The following LAMTOR5 variants were observed in gnomAD, a reference collection of about 807,000 sequenced individuals.
The protein encoded by LAMTOR5 is late endosomal/lysosomal adaptor, MAPK and MTOR activator 5, also known as ragulator complex protein LAMTOR5.
Under a neutral mutation model 12.1 loss-of-function variants are expected in LAMTOR5, and 8 were observed. The observed-to-expected ratio is 0.66, with a 90% confidence interval of 0.39 to 1.19. The LOEUF (loss-of-function observed/expected upper bound fraction) is 1.19. Ranked by LOEUF, LAMTOR5 falls within the 50% of genes most tolerant of loss-of-function variation. The probability of loss-of-function intolerance (pLI) is 0.01; values close to 1 mark genes in which losing one functional copy is unlikely to be tolerated. For missense variants in LAMTOR5, 110 were observed against 112.8 expected (o/e 0.97, Z 0.11); for synonymous variants, 37 against 41.9 (o/e 0.88, Z 0.45).
chr1:110,407,672 T>C lies in LAMTOR5; in HGVS notation c.-52A>G. On this transcript the variant is annotated 5_prime_UTR_variant, in exon 1 of 4. Coordinates refer to ENST00000602318, the MANE Select transcript of LAMTOR5 (RefSeq NM_001382293.1). ...AACCCAGCGGCACGGCACGTCCTTC[T>C]CCACCACAGGCCTCAGTCACTTGAC... is the stretch of plus-strand genomic sequence containing the variant. 1 of 1,614,140 alleles carries C rather than the reference T, an allele frequency of 6.2e-7. No individual in the cohort carries two copies. The highest frequency in any genetic ancestry group is 1.3e-5 in the African/African-American group (1 of 75,028).
chr1:110,404,029 C>A lies in LAMTOR5; in HGVS notation c.105G>T (p.Gly35=). 6.2e-7 allele frequency: 1 copy of A among 1,613,792 alleles called. No individual in the cohort carries two copies. The highest frequency in any genetic ancestry group is 8.5e-7 in the Non-Finnish European group (1 of 1,179,926). The change falls in exon 3 of 4, where the codon GGG becomes GGT. Residue 35 remains glycine, a synonymous_variant. Transcript: ENST00000602318. ...CTCCAGCATGCTCATCTGACAGGGT[C>A]CCGCGGCCTGGAAAATAGAGATGAT... ...DSQGLNLGCR[G]TLSDEHAGVI...
Position 110,407,604 on chromosome 1 carries a change from T to G in LAMTOR5, c.17A>C (p.Glu6Ala), listed in dbSNP as rs1328169094. 1 of 1,613,968 alleles carries G rather than the reference T, an allele frequency of 6.2e-7. No individual in the cohort carries two copies. The highest frequency in any genetic ancestry group is 8.5e-7 in the Non-Finnish European group (1 of 1,180,002). Residue 6 changes from glutamate to alanine, a missense_variant, in exon 1 of 4, where the codon GAG (glutamate) becomes GCG (alanine). By Grantham distance (107) the Glu-to-Ala change is moderately radical. Coordinates refer to ENST00000602318, the MANE Select transcript of LAMTOR5 (RefSeq NM_001382293.1). MEATLEQHLEDTMKNP... is the reference protein window; with the variant it reads MEATLAQHLEDTMKNP... Reference sequence around the variant, plus strand: ...TACTCACGTGTCTTCCAAGTGCTGCTCCAAGGTCGCCTCCATCCCACCCAC... The same window carrying G: ...TACTCACGTGTCTTCCAAGTGCTGCGCCAAGGTCGCCTCCATCCCACCCAC...
At chr1:110,407,825 C>G (rs756833294), upstream of LAMTOR5, 2 of 1,613,920 alleles carry the variant, frequency 1.2e-6, no homozygotes, top group South Asian at 2.2e-5. Context: ...GGCTTGGGCT[C>G]CCCGCGCGGT....
intron 2 of LAMTOR5, 54 bp downstream of exon 2, chr1:110,406,264 G>A (rs1020793884): frequency 5.7e-6 from 7 of 1,230,106 alleles, no homozygotes; most frequent in Non-Finnish European, 8.0e-6. Context: ...TAGGCTCCAA[G>A]TCAACATCAG....
Position 110,403,905 on chromosome 1 carries a change from T to C in LAMTOR5, c.215+14A>G. The C allele has an allele frequency of 6.2e-7, 1 of 1,612,552 alleles. No homozygotes were observed. Among genetic ancestry groups the C allele is most frequent in the Non-Finnish European group, 8.5e-7 (1 of 1,179,378 alleles). ...TCTGAACAAAAAGGAAAGGATCTGC[T>C]GAAATCTACTCACCCATTATCTGAT... On this transcript the variant is annotated intron_variant, in intron 3 of 3. Coordinates refer to ENST00000602318, the MANE Select transcript of LAMTOR5 (RefSeq NM_001382293.1).
At chr1:110,407,014 G>C (rs1291629840) in intron 1 of LAMTOR5, 2 of 689,696 alleles carry the variant, frequency 2.9e-6, no homozygotes, top group Non-Finnish European at 5.3e-6. Context: ...TAAAACAACT[G>C]TTGAAAAACT....
chr1:110,405,047 CA>C (rs34710454), intron 2 of LAMTOR5, among the ~76,000 whole-genome samples: 1,635 of 61,354 alleles, frequency 0.027, 17 homozygotes, highest in African/African-American at 0.054. Context: ...GATTTCGTCT[CA>C]AAAAAAAAAA....
In LAMTOR5 at chr1:110,404,022, A is replaced by T; in HGVS notation, c.112T>A (p.Ser38Thr). 1 of 1,614,162 alleles carries T rather than the reference A, an allele frequency of 6.2e-7. No homozygotes were observed. Among genetic ancestry groups the T allele is most frequent in the Non-Finnish European group, 8.5e-7 (1 of 1,180,016 alleles). The change falls in exon 3 of 4, where the codon TCA (serine) becomes ACA (threonine). Residue 38 changes from serine to threonine, a missense_variant. Transcript: ENST00000602318. ...GATATCACTCCAGCATGCTCATCTG[A>T]CAGGGTCCCGCGGCCTGGAAAATAG... ...GLNLGCRGTL[S>T]DEHAGVISVL...
intron 1 of LAMTOR5, chr1:110,406,714 C>T (rs926798873): frequency 3.5e-6 from 1 of 288,844 alleles, no homozygotes; most frequent in Admixed American, 5.2e-5. Context: ...ATCCCAGCTA[C>T]TCGGGAGGCT....
intron 3 of LAMTOR5, among the ~76,000 whole-genome samples, chr1:110,403,345 A>G (rs1317325262): frequency 6.6e-6 from 1 of 152,172 alleles, no homozygotes; most frequent in Admixed American, 6.6e-5. Flanking sequence ...GCAGTGACTC[A>G]TTCCTGTAAT....
chr1:110,401,764 C>T (rs560908536), intron 3 of LAMTOR5, among the ~76,000 whole-genome samples, 181 bp from the exon 4 acceptor site: 69 of 152,232 alleles, frequency 4.5e-4, no homozygotes, highest in Non-Finnish European at 7.5e-4. Flanking sequence ...CATGTGAACA[C>T]GAAATGAATC....
intron 1 of LAMTOR5, chr1:110,407,100 CT>C: frequency 1.5e-6 from 1 of 663,534 alleles, no homozygotes; most frequent in Non-Finnish European, 2.7e-6. Flanking sequence ...ACCCTTTACA[CT>C]TTTCCAGTTT....
At chr1:110,405,425 A>G (rs564342347) in intron 2 of LAMTOR5, among the ~76,000 whole-genome samples, 2 of 152,128 alleles carry the variant, frequency 1.3e-5, no homozygotes, top group Admixed American at 1.3e-4. Context: ...TCCGCCTCCC[A>G]AAGTGCTGGG....
intron 1 of LAMTOR5, chr1:110,407,127 T>A (rs923446107): frequency 6.3e-6 from 4 of 638,772 alleles, no homozygotes; most frequent in East Asian, 2.7e-5. Context: ...TTTACATAGA[T>A]ACTGCTTGTT....
chr1:110,401,391 A>T lies in LAMTOR5; in HGVS notation c.*132T>A. ...GAGCATTAGAAAGCAATTGACTCTT[A>T]AATAAACAGAAAAGTGCCTAATGCA... On this transcript the variant is annotated 3_prime_UTR_variant, in exon 4 of 4. Transcript: ENST00000602318. The T allele has an allele frequency of 1.1e-6, 1 of 871,686 alleles. No homozygotes were observed. Among genetic ancestry groups the T allele is most frequent in the Non-Finnish European group, 1.7e-6 (1 of 580,354 alleles). 54.0% of individuals were successfully genotyped at this position (871,686 alleles called of 1,614,324 possible). A position where few individuals can be genotyped will look rare whatever the true frequency, so the allele number is the denominator to read the frequency against.
chr1:110,406,861 A>G (rs1663341301), intron 1 of LAMTOR5: 1 of 435,080 alleles, frequency 2.3e-6, no homozygotes, highest in African/African-American at 2.0e-5. Flanking sequence ...TAGTTAATTA[A>G]TTGAAATAAA....
At chr1:110,406,955 A>G (rs1048922346) in intron 1 of LAMTOR5, 2 of 627,084 alleles carry the variant, frequency 3.2e-6, no homozygotes, top group Non-Finnish European at 5.8e-6. Context: ...AAAAACATCT[A>G]GGATGTTTTC....
At chr1:110,403,789 T>C in intron 3 of LAMTOR5, 130 bp downstream of exon 3, 1 of 1,408,268 alleles carries the variant, frequency 7.1e-7, no homozygotes, top group Non-Finnish European at 9.4e-7. Context: ...TTCCTGTGAT[T>C]CAAAAGATTA....
chr1:110,406,803 G>A (rs1663339699), intron 1 of LAMTOR5: 1 of 409,134 alleles, frequency 2.4e-6, no homozygotes. Flanking sequence ...CAGCCTGGAA[G>A]ACGAGCGAAA....
Sources: gnomAD v4.1 joint callset for allele counts (sites outside exome capture counted in the v4.1 genomes callset) on GRCh38, gnomAD v4.1.1 for gene constraint, MANE v1.5 for transcripts, NCBI Gene and HGNC (gene_info 2026-07-23, HGNC 2026-07-21) for gene names.